The following TNPO1 variants were observed in gnomAD, a reference collection of about 807,000 sequenced individuals.
TNPO1 encodes transportin 1.
Under a neutral mutation model 119.5 loss-of-function variants are expected in TNPO1, and 8 were observed. The ratio of observed to expected loss-of-function variants is 0.07; its 90% CI spans 0.04 to 0.12. The LOEUF (loss-of-function observed/expected upper bound fraction) is 0.12. Among genes scored for constraint, TNPO1 ranks in the 10% least tolerant of loss-of-function variants. TNPO1 has a pLI of 1.00. For missense variants in TNPO1, 576 were observed against 1,089.8 expected (o/e 0.53, Z 6.64); for synonymous variants, 362 against 363.0 (o/e 1.00, Z 0.03).
intron 1 of TNPO1, among the ~76,000 whole-genome samples, chr5:72,841,886 A>T (rs2112220441): frequency 6.6e-6 from 1 of 152,076 alleles, no homozygotes; most frequent in South Asian, 2.1e-4. Context: ...TCTGTAAAAA[A>T]AAAAAACAGT....
intron 1 of TNPO1, among the ~76,000 whole-genome samples, chr5:72,820,961 T>C (rs1743931806): frequency 6.6e-6 from 1 of 152,124 alleles, no homozygotes. Flanking sequence ...TTAATGATCT[T>C]AACACAAATA....
At chr5:72,900,881 C>A in intron 21 of TNPO1, 93 bp from the exon 22 acceptor site, 1 of 750,394 alleles carries the variant, frequency 1.3e-6, no homozygotes, top group Non-Finnish European at 2.1e-6. Flanking sequence ...ATTATCTATA[C>A]TGTGGTGCTT....
intron 4 of TNPO1, among the ~76,000 whole-genome samples, chr5:72,859,216 C>T (rs1417980009): frequency 4.6e-5 from 7 of 152,124 alleles, no homozygotes; most frequent in African/African-American, 1.7e-4. Flanking sequence ...GTTTTCCAAC[C>T]TCAGCACTTG....
chr5:72,844,612 A>G (rs141763600), intron 1 of TNPO1, among the ~76,000 whole-genome samples: 148 of 152,294 alleles, frequency 9.7e-4, no homozygotes, highest in African/African-American at 3.3e-3. Context: ...TAAAACTACT[A>G]TTTTTCAAAT....
At chr5:72,858,705 T>C (rs915363304) in intron 4 of TNPO1, among the ~76,000 whole-genome samples, 3 of 152,066 alleles carry the variant, frequency 2.0e-5, no homozygotes, top group East Asian at 1.9e-4. Context: ...GGTGTGGTGG[T>C]GGGCACCTGT....
Position 72,908,750 on chromosome 5 carries a change from G to C in TNPO1, c.*77G>C, listed in dbSNP as rs1750352329. ...GACTATAAGGGAGCCTCTGCACCCA[G>C]GGAAAATGTTACCCTTTACAGGGGG... On this transcript the variant is annotated 3_prime_UTR_variant, in exon 25 of 25. Coordinates refer to ENST00000337273, the MANE Select transcript of TNPO1 (RefSeq NM_002270.4). 1.4e-5 allele frequency: 3 copies of C among 213,624 alleles called. No individual in the cohort carries two copies. The highest frequency in any genetic ancestry group is 9.9e-6 in the Non-Finnish European group (1 of 100,626). The allele number at this position is 213,624 out of a possible 1,614,324, so 13.2% of individuals were successfully genotyped here.
intron 23 of TNPO1, 152 bp from the exon 24 acceptor site, chr5:72,905,151 A>G (rs1750055156): frequency 1.7e-6 from 1 of 585,208 alleles, no homozygotes; most frequent in Non-Finnish European, 3.0e-6. Context: ...CCATATTAGC[A>G]GGGAATGGTG....
chr5:72,877,430 CT>C, intron 9 of TNPO1, 84 bp downstream of exon 9: 1 of 703,972 alleles, frequency 1.4e-6, no homozygotes, highest in Non-Finnish European at 2.3e-6. Flanking sequence ...AAAATTCATT[CT>C]TTTGCCATCA....
intron 1 of TNPO1, among the ~76,000 whole-genome samples, chr5:72,840,805 C>G (rs896746622): frequency 6.6e-6 from 1 of 152,280 alleles, no homozygotes; most frequent in African/African-American, 2.4e-5. Flanking sequence ...TTCAAACTTT[C>G]CTTAGTACCT....
At chr5:72,885,698 T>A (rs904184534) in intron 11 of TNPO1, among the ~76,000 whole-genome samples, 3 of 151,862 alleles carry the variant, frequency 2.0e-5, no homozygotes, top group Admixed American at 2.0e-4. Context: ...ATGGGTAAGG[T>A]GTTAATTTCT....
intron 3 of TNPO1, among the ~76,000 whole-genome samples, chr5:72,853,205 C>CTTT (rs1164650675): frequency 6.6e-6 from 1 of 152,136 alleles, no homozygotes; most frequent in African/African-American, 2.4e-5. Flanking sequence ...AATCCCAGCA[C>CTTT]TTTGAGAGGC....
chr5:72,844,053 G>C (rs1013820051), intron 1 of TNPO1, among the ~76,000 whole-genome samples: 1 of 152,184 alleles, frequency 6.6e-6, no homozygotes, highest in Non-Finnish European at 1.5e-5. Flanking sequence ...AACAACAATA[G>C]CGTTTATTCA....
intron 9 of TNPO1, among the ~76,000 whole-genome samples, chr5:72,879,497 T>C (rs1427465031): frequency 6.6e-6 from 1 of 152,136 alleles, no homozygotes; most frequent in Non-Finnish European, 1.5e-5. Flanking sequence ...ATTAAACAAC[T>C]CAAGCCAGTC....
chr5:72,908,631 GATTA>G (rs1300264722), intron 24 of TNPO1, 74 bp from the exon 25 acceptor site: 4 of 156,860 alleles, frequency 2.6e-5, no homozygotes, highest in African/African-American at 9.6e-5. Flanking sequence ...ATTCTTATTT[GATTA>G]ATTTTTTGTT....
At chr5:72,878,199 T>G (rs62363377) in intron 9 of TNPO1, among the ~76,000 whole-genome samples, 1 of 152,266 alleles carries the variant, frequency 6.6e-6, no homozygotes, top group African/African-American at 2.4e-5. Flanking sequence ...TAGGTTGTTT[T>G]GGCTTTTTTT....
intron 23 of TNPO1, among the ~76,000 whole-genome samples, chr5:72,904,475 T>G (rs1749997981): frequency 6.6e-6 from 1 of 152,112 alleles, no homozygotes; most frequent in Admixed American, 6.6e-5. Context: ...GGCACGTGTA[T>G]TAGTCCATAT....
intron 20 of TNPO1, among the ~76,000 whole-genome samples, chr5:72,897,518 C>A (rs1199808861): frequency 6.6e-6 from 1 of 151,232 alleles, no homozygotes; most frequent in East Asian, 1.9e-4. Flanking sequence ...CAAATGTAGT[C>A]AAAAAGATTC....
chr5:72,903,361 GT>G (rs767898006), intron 22 of TNPO1, among the ~76,000 whole-genome samples: 15 of 152,174 alleles, frequency 9.9e-5, no homozygotes, highest in Non-Finnish European at 2.1e-4. Context: ...TTGGTTTTAT[GT>G]TTTTCTTTAA....
intron 1 of TNPO1, among the ~76,000 whole-genome samples, chr5:72,828,460 A>T (rs1292627300): frequency 2.0e-5 from 3 of 152,200 alleles, no homozygotes; most frequent in African/African-American, 7.2e-5. Flanking sequence ...CTTTACATGG[A>T]TTCACCAATT....
Sources: gnomAD v4.1 joint callset for allele counts (sites outside exome capture counted in the v4.1 genomes callset) on GRCh38, gnomAD v4.1.1 for gene constraint, MANE v1.5 for transcripts, NCBI Gene and HGNC (gene_info 2026-07-23, HGNC 2026-07-21) for gene names.